Variants in SART1 observed in about 807,000 individuals in gnomAD.
The protein encoded by SART1 is U4/U6.U5 tri-snRNP-associated protein 1.
A neutral mutation model predicts 105.0 loss-of-function variants in SART1; 28 were observed. That is an observed-to-expected ratio of 0.27 (90% CI 0.20 to 0.37). The LOEUF is 0.37. Ranked by LOEUF, SART1 falls within the 10% of genes least tolerant of loss-of-function variation. The probability of loss-of-function intolerance (pLI) is 1.00; values close to 1 mark genes in which losing one functional copy is unlikely to be tolerated. For missense variants in SART1, 894 were observed against 1,106.5 expected (o/e 0.81, Z 2.72); for synonymous variants, 472 against 462.9 (o/e 1.02, Z -0.25).
At chr11:65,972,099 C>T (rs1490495268) in intron 12 of SART1, among the ~76,000 whole-genome samples, 1 of 151,978 alleles carries the variant, frequency 6.6e-6, no homozygotes, top group Non-Finnish European at 1.5e-5. Flanking sequence ...CTAGATAGGA[C>T]AATATATTGT....
At chr11:65,967,996 C>G (rs1197919631) in intron 12 of SART1, among the ~76,000 whole-genome samples, 175 bp downstream of exon 12, 1 of 142,614 alleles carries the variant, frequency 7.0e-6, no homozygotes. Context: ...TTCGCCCAGG[C>G]TGGAATGCAG....
At chr11:65,974,607 A>G (rs1272539526) in intron 12 of SART1, among the ~76,000 whole-genome samples, 2 of 151,970 alleles carry the variant, frequency 1.3e-5, no homozygotes, top group African/African-American at 2.4e-5. Context: ...TGAACCTGGG[A>G]GGTGGAGGTT....
intron 12 of SART1, among the ~76,000 whole-genome samples, chr11:65,968,941 A>G (rs1395077398): frequency 6.6e-6 from 1 of 152,180 alleles, no homozygotes; most frequent in African/African-American, 2.4e-5. Context: ...TGTCATCTCC[A>G]TCATTCCAGA....
chr11:65,977,932 C>A lies in SART1; in HGVS notation c.2172+33C>A, dbSNP rs78664826. 8.8e-6 allele frequency: 14 copies of A among 1,592,344 alleles called. No individual in the cohort carries two copies. The South Asian group carries it at 1.6e-4, about 18-fold the overall frequency. On this transcript the variant is annotated intron_variant, in intron 17 of 19. Transcript: ENST00000312397. ...GGGCCTTTTGCAGGCGGAGGCCCGG[C>A]CTGCCACAGGGAGGCCAAGCCCAGG...
At chr11:65,965,557 G>C in intron 5 of SART1, 110 bp downstream of exon 5, 1 of 1,335,946 alleles carries the variant, frequency 7.5e-7, no homozygotes, top group South Asian at 1.3e-5. Context: ...GAAGGGAAGG[G>C]CCGTGGTCGG....
chr11:65,974,647 C>T (rs1229123576), intron 12 of SART1, among the ~76,000 whole-genome samples: 1 of 152,030 alleles, frequency 6.6e-6, no homozygotes, highest in African/African-American at 2.4e-5. Context: ...CCATTGCACT[C>T]CAGCATGGGT....
At chr11:65,972,446 G>A (rs1030640578) in intron 12 of SART1, among the ~76,000 whole-genome samples, 6 of 152,048 alleles carry the variant, frequency 3.9e-5, no homozygotes, top group African/African-American at 9.7e-5. Context: ...TTCACATTTC[G>A]GAATCAAATT....
Position 65,966,408 on chromosome 11 carries a change from A to G in SART1, c.1040A>G (p.His347Arg). ...GAAGAGCTTGAAGGGGAGCGGCCACATTCCTTCCGCTTGGAGCAGGGCGGC... is the reference window on the plus strand; with the variant it reads ...GAAGAGCTTGAAGGGGAGCGGCCACGTTCCTTCCGCTTGGAGCAGGGCGGC... ...YDEELEGERPHSFRLEQGGTA... is the reference protein window; with the variant it reads ...YDEELEGERPRSFRLEQGGTA... Residue 347 changes from histidine to arginine, a missense_variant, in exon 9 of 20, where the codon CAT (histidine) becomes CGT (arginine). This residue lies in a region of SART1 where 712 missense variants were observed against 778.2 expected (regional missense o/e 0.91). Coordinates refer to ENST00000312397, the MANE Select transcript of SART1 (RefSeq NM_005146.5). 6.2e-7 allele frequency: 1 copy of G among 1,613,898 alleles called. No individual in the cohort carries two copies. Among genetic ancestry groups the G allele is most frequent in the Non-Finnish European group, 8.5e-7 (1 of 1,180,004 alleles).
intron 7 of SART1, 26 bp downstream of exon 7, chr11:65,966,012 G>T (rs367869405): frequency 2.6e-5 from 42 of 1,613,698 alleles, no homozygotes; most frequent in African/African-American, 1.5e-4. Context: ...TGCCCTGGGT[G>T]GGGGCACAGC....
chr11:65,963,856 C>G (rs1026766125), intron 1 of SART1: 6 of 597,830 alleles, frequency 1.0e-5, no homozygotes, highest in South Asian at 1.0e-4. Flanking sequence ...TGTCTTGGGT[C>G]AGGAAAGGAA....
chr11:65,963,636 C>T (rs1480636728), intron 1 of SART1, among the ~76,000 whole-genome samples: 3 of 152,126 alleles, frequency 2.0e-5, no homozygotes, highest in Non-Finnish European at 4.4e-5. Flanking sequence ...TGCGCACCAC[C>T]GTGCCTGGCT....
At chr11:65,968,878 C>T (rs1180812625) in intron 12 of SART1, among the ~76,000 whole-genome samples, 1 of 152,180 alleles carries the variant, frequency 6.6e-6, no homozygotes, top group Admixed American at 6.5e-5. Flanking sequence ...CTCACATGTT[C>T]TGTGTTTGTT....
Position 65,973,165 on chromosome 11 carries a change from C to T in SART1, c.1573-3230C>T, listed in dbSNP as rs1855415935. ...CTCCAGCCTGGGTGACAGAGCAAGA[C>T]TCCGTCTCAAAAAAAAAGAAATTGA... is the stretch of plus-strand genomic sequence containing the variant. On this transcript the variant is annotated intron_variant, in intron 12 of 19. Transcript: ENST00000312397. Among the ~76,000 whole-genome samples, 4 of 151,832 alleles carry T rather than the reference C, an allele frequency of 2.6e-5. No individual in the cohort carries two copies. In the South Asian group the frequency reaches 8.3e-4, roughly 31 times the overall value.
chr11:65,966,135 G>T lies in SART1; in HGVS notation c.898G>T (p.Ala300Ser). ...VNVNLVDKER[A>S]EKNVELRKKK... The stretch of plus-strand genomic sequence containing the variant: ...CGTGAACCTGGTGGATAAGGAGCGG[G>T]CAGAGAAAAATGTGGAGCTGCGGAA... The change falls in exon 8 of 20, where the codon GCA becomes TCA. Residue 300 changes from alanine (A) to serine (S), a missense_variant. By Grantham distance (99) the Ala-to-Ser change is moderately conservative. Transcript: ENST00000312397. 6.2e-7 allele frequency: 1 copy of T among 1,614,030 alleles called. No homozygotes were observed. The highest frequency in any genetic ancestry group is 8.5e-7 in the Non-Finnish European group (1 of 1,180,034).
chr11:65,979,269 C>T lies in SART1; in HGVS notation c.*239C>T. Reference sequence around the variant, plus strand: ...TTCCTTCTCCCCTGGCTGTCGGTCACACCTCTGCAGGGCCGGCTCTCTGAT... The same window carrying T: ...TTCCTTCTCCCCTGGCTGTCGGTCATACCTCTGCAGGGCCGGCTCTCTGAT... On this transcript the variant is annotated 3_prime_UTR_variant, in exon 20 of 20. Coordinates refer to ENST00000312397, the MANE Select transcript of SART1 (RefSeq NM_005146.5). 1 of 607,632 alleles carries T rather than the reference C, an allele frequency of 1.6e-6. No individual in the cohort carries two copies. 37.6% of individuals were successfully genotyped at this position (607,632 alleles called of 1,614,324 possible). A position where few individuals can be genotyped will look rare whatever the true frequency, so the allele number is the denominator to read the frequency against.
rs984204077 is a variant in SART1 at position 65,977,791 on chromosome 11, G to A, written c.2064G>A (p.Arg688=). 6.2e-7 allele frequency: 1 copy of A among 1,614,042 alleles called. No homozygotes were observed. The highest frequency in any genetic ancestry group is 1.1e-5 in the South Asian group (1 of 91,082). Residue 688 remains arginine (R), a synonymous_variant, in exon 17 of 20, where the codon AGG becomes AGA. Coordinates refer to ENST00000312397, the MANE Select transcript of SART1 (RefSeq NM_005146.5). ...KMAIDDKYSR[R]EEYRGFTQDF... Reference sequence around the variant, plus strand: ...CCATCGATGACAAGTACAGCCGGAGGGAGGAATACCGAGGCTTCACACAGG... The same window carrying A: ...CCATCGATGACAAGTACAGCCGGAGAGAGGAATACCGAGGCTTCACACAGG...
intron 9 of SART1, among the ~76,000 whole-genome samples, chr11:65,966,770 C>G (rs1037029677): frequency 1.3e-5 from 2 of 152,202 alleles, no homozygotes; most frequent in Non-Finnish European, 2.9e-5. Flanking sequence ...TTCGGCTCTG[C>G]CATGCTGCCA....
chr11:65,966,498 A>G lies in SART1; in HGVS notation c.1130A>G (p.Gln377Arg). The change falls in exon 9 of 20, where the codon CAG (glutamine) becomes CGG (arginine). Residue 377 changes from glutamine to arginine, a missense_variant. Around this residue, in one of 2 missense-constraint regions of SART1, gnomAD observed 712 missense variants for 778.2 expected, o/e 0.91. Transcript: ENST00000312397. Reference protein sequence around the residue: ...EIRAKLRLQAQSLSTVGPRLA... With the variant: ...EIRAKLRLQARSLSTVGPRLA... ...CGGGCCAAGCTGCGGCTGCAGGCTC[A>G]GTCCCTGAGCACAGTGGGGCCCCGG... is the stretch of plus-strand genomic sequence containing the variant. 1 of 1,602,846 alleles carries G rather than the reference A, an allele frequency of 6.2e-7. No individual in the cohort carries two copies. The highest frequency in any genetic ancestry group is 8.5e-7 in the Non-Finnish European group (1 of 1,174,288).
rs1443104642 is a variant in SART1 at position 65,978,305 on chromosome 11, TGCAGCC to T, written c.2173-294_2173-289del. On this transcript the variant is annotated intron_variant, in intron 17 of 19. Coordinates refer to ENST00000312397, the MANE Select transcript of SART1 (RefSeq NM_005146.5). This position sits in a 1 kb window ranked among gnomAD's most constrained non-coding sequence, Gnocchi z 6.8. ...CCTTGCTCTCTGGGGTTTGTCTCCCTGCAGCCCCAGCCCCAGCCCCAGCGTCCAGGC... is the reference window on the plus strand; with the variant it reads ...CCTTGCTCTCTGGGGTTTGTCTCCCTCCAGCCCCAGCCCCAGCGTCCAGGC... Among the ~76,000 whole-genome samples the T allele has an allele frequency of 5.5e-4, 3 of 5,456 alleles. No individual in the cohort carries two copies. Among genetic ancestry groups the T allele is most frequent in the East Asian group, 2.0e-3 (3 of 1,514 alleles). 3.6% of individuals were successfully genotyped at this position (5,456 alleles called of 152,430 possible).
Sources: allele counts gnomAD v4.1 joint callset (sites outside exome capture counted in the v4.1 genomes callset), GRCh38; gene constraint gnomAD v4.1.1; regional missense constraint gnomAD v4.1.1; non-coding constraint Gnocchi (gnomAD v3.1); transcripts MANE v1.5; gene names NCBI Gene and HGNC (gene_info 2026-07-23, HGNC 2026-07-21).